MCPH1: variants seen among roughly 807,000 people sequenced by gnomAD.
MCPH1 encodes the protein microcephalin.
A neutral mutation model predicts 84.5 loss-of-function variants in MCPH1; 104 were observed. The observed-to-expected ratio is 1.23, with a 90% CI of 1.05 to 1.45. The LOEUF (loss-of-function observed/expected upper bound fraction) is 1.45, where lower values mean the gene tolerates loss of function less well. Among genes scored for constraint, MCPH1 ranks in the 40% most tolerant of loss-of-function variants. The pLI, the probability that MCPH1 is intolerant of heterozygous loss-of-function variation, is 0.00. For synonymous variants in MCPH1, 514 were observed against 366.8 expected, an observed-to-expected ratio of 1.40 and a Z score of -4.58; for missense variants, 1,498 against 1,005.7, an observed-to-expected ratio of 1.49 and a Z score of -6.62.
intron 2 of MCPH1, among the ~76,000 whole-genome samples, chr8:6,409,976 A>T (rs1324731266): frequency 1.4e-5 from 2 of 147,584 alleles, no homozygotes; most frequent in Admixed American, 6.7e-5. Flanking sequence ...GTAGGGAGTA[A>T]TTTTTTTTTT....
chr8:6,414,071 C>G (rs932775107), intron 2 of MCPH1, among the ~76,000 whole-genome samples: 1 of 152,060 alleles, frequency 6.6e-6, no homozygotes, highest in Non-Finnish European at 1.5e-5. Context: ...TTTTAATTAG[C>G]TGAATTTTTC....
At chr8:6,439,372 T>A (rs199981892) in intron 6 of MCPH1, among the ~76,000 whole-genome samples, 118 of 144,268 alleles carry the variant, frequency 8.2e-4, no homozygotes, top group Admixed American at 4.2e-3. Context: ...TCTTTTTTTT[T>A]AAAAAAAAAT....
intron 12 of MCPH1, among the ~76,000 whole-genome samples, chr8:6,592,693 C>T (rs58190411): frequency 0.021 from 2,918 of 140,080 alleles, 109 homozygotes; most frequent in African/African-American, 0.073. Context: ...CTCACTCTGT[C>T]ACCCAGGCTG....
intron 12 of MCPH1, among the ~76,000 whole-genome samples, chr8:6,613,825 G>T (rs1830529709): frequency 6.6e-6 from 1 of 152,140 alleles, no homozygotes; most frequent in South Asian, 2.1e-4. Context: ...GACGCTTTGA[G>T]GTGGCAGCCA....
At chr8:6,447,297 C>G (rs1804545952) in intron 8 of MCPH1, 8 of 985,186 alleles carry the variant, frequency 8.1e-6, no homozygotes, top group Non-Finnish European at 9.6e-6. Flanking sequence ...GTTTCAATGT[C>G]AGGGATGCAC....
At chr8:6,439,213 C>G (rs914177964) in intron 6 of MCPH1, 117 bp downstream of exon 6, 1 of 1,052,290 alleles carries the variant, frequency 9.5e-7, no homozygotes, top group African/African-American at 1.6e-5. Context: ...CACATTTTGA[C>G]TTATTTCATG....
At chr8:6,502,578 C>G (rs1812406459) in intron 12 of MCPH1, 1 of 152,300 alleles carries the variant, frequency 6.6e-6, no homozygotes, top group Non-Finnish European at 1.5e-5. Context: ...TATTAAACTT[C>G]TAGTAACCCC....
chr8:6,586,241 G>C (rs918723874), intron 12 of MCPH1, among the ~76,000 whole-genome samples: 7 of 152,230 alleles, frequency 4.6e-5, no homozygotes, highest in Admixed American at 1.3e-4. Context: ...GATTACAGGT[G>C]TGAGCCACCA....
chr8:6,431,680 C>G, intron 4 of MCPH1, 94 bp downstream of exon 4: 1 of 832,218 alleles, frequency 1.2e-6, no homozygotes, highest in African/African-American at 1.7e-5. Flanking sequence ...GAAATATATT[C>G]AAGAGTTGTC....
At chr8:6,527,718 T>C (rs929718811) in intron 12 of MCPH1, 2 of 1,525,886 alleles carry the variant, frequency 1.3e-6, no homozygotes, top group Non-Finnish European at 1.8e-6. Flanking sequence ...TATTTTTTAA[T>C]TAGTTTAACT....
At chr8:6,498,949 G>T (rs900673499) in intron 11 of MCPH1, among the ~76,000 whole-genome samples, 2 of 152,094 alleles carry the variant, frequency 1.3e-5, no homozygotes, top group African/African-American at 2.4e-5. Flanking sequence ...CTACTCAAGA[G>T]GCTGAGGCAG....
intron 3 of MCPH1, among the ~76,000 whole-genome samples, chr8:6,427,065 G>T (rs75702554): frequency 0.067 from 10,166 of 152,202 alleles, 843 homozygotes; most frequent in African/African-American, 0.2. Context: ...GTTGCTCCTA[G>T]GCATAAACCT....
At position 6,521,275 on chromosome 8, in the gene MCPH1, T is replaced by A. The variant is rs769612050; in HGVS notation, c.2214+21346T>A. 3 of 1,613,930 alleles carry A rather than the reference T, an allele frequency of 1.9e-6. No homozygotes were observed. The South Asian group carries it at 3.3e-5, about 18-fold the overall frequency. ...CTGAATTATTCACCGTGGCAGTCACTATTTTTTTTTCTAGTTCTTCAATGA... is the reference window on the plus strand; with the variant it reads ...CTGAATTATTCACCGTGGCAGTCACAATTTTTTTTTCTAGTTCTTCAATGA... On this transcript the variant is annotated intron_variant, in intron 12 of 13. Transcript: ENST00000344683.
intron 12 of MCPH1, among the ~76,000 whole-genome samples, chr8:6,608,746 C>G (rs566303864): frequency 6.6e-6 from 1 of 152,148 alleles, no homozygotes; most frequent in Non-Finnish European, 1.5e-5. Context: ...TCAAACTCCC[C>G]GGGTGACTGC....
chr8:6,458,240 A>G (rs1805905036), intron 9 of MCPH1, among the ~76,000 whole-genome samples: 1 of 152,124 alleles, frequency 6.6e-6, no homozygotes, highest in Non-Finnish European at 1.5e-5. Context: ...TGGGAGGCTG[A>G]GGTGGGCAGA....
At chr8:6,427,120 C>G (rs528834392) in intron 3 of MCPH1, among the ~76,000 whole-genome samples, 52 of 152,188 alleles carry the variant, frequency 3.4e-4, no homozygotes, top group African/African-American at 1.2e-3. Flanking sequence ...ATTTGTGTCT[C>G]TGAAATACTT....
At chr8:6,471,062 T>G (rs1761145181) in intron 9 of MCPH1, among the ~76,000 whole-genome samples, 2 of 152,154 alleles carry the variant, frequency 1.3e-5, no homozygotes. Flanking sequence ...GCAGTGCCTA[T>G]AAATTTGGGG....
Position 6,609,278 on chromosome 8 carries a change from C to T in MCPH1, c.2215-12176C>T, listed in dbSNP as rs186844618. Among the ~76,000 whole-genome samples, 77 of 152,278 alleles carry T rather than the reference C, an allele frequency of 5.1e-4. 1 individual carries two copies. The highest frequency in any genetic ancestry group is 3.3e-4 in the Admixed American group (5 of 15,294). ...CGCAGTTACCACCAAAGCGCATGGA[C>T]GGGACCCAGAGCATGAGCGTGTGCC... On this transcript the variant is annotated intron_variant, in intron 12 of 13. Coordinates refer to ENST00000344683, the MANE Select transcript of MCPH1 (RefSeq NM_024596.5).
At chr8:6,522,133 A>T (rs1312249228) in intron 12 of MCPH1, among the ~76,000 whole-genome samples, 2 of 152,120 alleles carry the variant, frequency 1.3e-5, no homozygotes, top group African/African-American at 4.8e-5. Flanking sequence ...AGGCGGGCGG[A>T]TCACGAGGTC....
Sources: allele counts gnomAD v4.1 joint callset (sites outside exome capture counted in the v4.1 genomes callset), GRCh38; gene constraint gnomAD v4.1.1; transcripts MANE v1.5; gene names NCBI Gene and HGNC (gene_info 2026-07-23, HGNC 2026-07-21).